The following PDE8B variants were observed in gnomAD, a reference collection of about 807,000 sequenced individuals.
PDE8B encodes the protein phosphodiesterase 8B.
A neutral mutation model predicts 101.3 loss-of-function variants in PDE8B; 26 were observed. The ratio of observed to expected loss-of-function variants is 0.26; its 90% CI spans 0.19 to 0.36. The LOEUF is 0.36. Among genes scored for constraint, PDE8B ranks in the 10% least tolerant of loss-of-function variants. The pLI is 1.00. For synonymous variants in PDE8B, 424 were observed against 429.3 expected (o/e 0.99, Z 0.15); for missense variants, 810 against 1,163.1 (o/e 0.70, Z 4.42).
the PDE8B span, among the ~76,000 whole-genome samples, chr5:77,109,931 T>TTTTTTTTTTTTTTTTTTTG: frequency 3.6e-5 from 3 of 83,846 alleles, no homozygotes; most frequent in African/African-American, 1.5e-4. Context: ...ATTTCAGTTT[T>TTTTTTTTTTTTTTTTTTTG]TTTTTTTTTT....
chr5:77,404,675 A>G lies in PDE8B; in HGVS notation c.1211-45A>G, dbSNP rs371794277. ...ACATGTTTGAATCTCTTCTGTGAAT[A>G]CACGGAAAACTAATCACCTTCCCTT... On this transcript the variant is annotated intron_variant, in intron 11 of 21. Coordinates refer to ENST00000264917, the MANE Select transcript of PDE8B (RefSeq NM_003719.5). 24 of 1,084,506 alleles carry G rather than the reference A, an allele frequency of 2.2e-5. No individual in the cohort carries two copies. In the African/African-American group the frequency reaches 3.2e-4, roughly 15 times the overall value. 67.2% of individuals were successfully genotyped at this position (1,084,506 alleles called of 1,614,324 possible). A position where few individuals can be genotyped will look rare whatever the true frequency, so the allele number is the denominator to read the frequency against.
At chr5:77,289,986 C>A (rs898234431) in intron 1 of PDE8B, among the ~76,000 whole-genome samples, 3 of 152,294 alleles carry the variant, frequency 2.0e-5, no homozygotes, top group Admixed American at 2.0e-4. Context: ...CACTGTGGGG[C>A]TCAGTAAGGA....
intron 10 of PDE8B, among the ~76,000 whole-genome samples, chr5:77,376,472 T>C (rs191344998): frequency 5.3e-5 from 8 of 152,328 alleles, no homozygotes; most frequent in African/African-American, 1.7e-4. Flanking sequence ...AATTTCATTG[T>C]GACAGCACTG....
intron 10 of PDE8B, among the ~76,000 whole-genome samples, chr5:77,385,302 G>A (rs923386332): frequency 6.6e-6 from 1 of 152,112 alleles, no homozygotes; most frequent in African/African-American, 2.4e-5. Flanking sequence ...TTGTATTTCT[G>A]TGGGATCCAT....
Position 77,234,920 on chromosome 5 carries a change from C to T in PDE8B, c.339+23656C>T, listed in dbSNP as rs142741334. Among the ~76,000 whole-genome samples the T allele has an allele frequency of 7.8e-4, 118 of 152,246 alleles. 1 individual carries two copies. In the East Asian group the frequency reaches 0.021, roughly 27 times the overall value. On this transcript the variant is annotated intron_variant, in intron 1 of 21. Coordinates refer to ENST00000264917, the MANE Select transcript of PDE8B (RefSeq NM_003719.5). ...AGTGAGGATTAAATGAGAGCATGCACGCAAAGTGCTCAATGTAATGCCTGA... is the reference window on the plus strand; with the variant it reads ...AGTGAGGATTAAATGAGAGCATGCATGCAAAGTGCTCAATGTAATGCCTGA...
chr5:77,400,287 A>G lies in PDE8B; in HGVS notation c.1207A>G (p.Thr403Ala), dbSNP rs1791984017. The change falls in exon 11 of 22, where the codon ACA becomes GCA. Residue 403 changes from threonine (T) to alanine (A), a missense_variant. Transcript: ENST00000264917. Reference sequence around the variant, plus strand: ...TCGTGATTCAGGAGACAATTCTCAGACAGGTGAGAATACTTCAATTGAACT... The same window carrying G: ...TCGTGATTCAGGAGACAATTCTCAGGCAGGTGAGAATACTTCAATTGAACT... ...IHRDSGDNSQTEPHSFRYKNR... is the reference protein window; with the variant it reads ...IHRDSGDNSQAEPHSFRYKNR... 1 of 1,578,966 alleles carries G rather than the reference A, an allele frequency of 6.3e-7. No individual in the cohort carries two copies. Among genetic ancestry groups the G allele is most frequent in the Non-Finnish European group, 8.7e-7 (1 of 1,147,926 alleles).
intron 1 of PDE8B, among the ~76,000 whole-genome samples, chr5:77,225,087 A>T (rs1752048057): frequency 6.6e-6 from 1 of 152,130 alleles, no homozygotes; most frequent in African/African-American, 2.4e-5. Context: ...TAGATCAATT[A>T]ATTCCTTAGG....
intron 1 of PDE8B, among the ~76,000 whole-genome samples, chr5:77,212,314 C>G (rs1321291860): frequency 6.6e-6 from 1 of 152,136 alleles, no homozygotes; most frequent in Non-Finnish European, 1.5e-5. Flanking sequence ...GATTATTTGT[C>G]AAAGACACAT....
chr5:77,232,712 C>T (rs1268370728), intron 1 of PDE8B, among the ~76,000 whole-genome samples: 1 of 152,186 alleles, frequency 6.6e-6, no homozygotes, highest in Non-Finnish European at 1.5e-5. Flanking sequence ...AGGTCTGTGT[C>T]TCTGGATACC....
intron 1 of PDE8B, among the ~76,000 whole-genome samples, chr5:77,249,651 T>C (rs1053439446): frequency 3.3e-5 from 5 of 152,254 alleles, no homozygotes; most frequent in Admixed American, 3.3e-4. Flanking sequence ...GGATGCAATA[T>C]GCCACATTTG....
the PDE8B span, among the ~76,000 whole-genome samples, chr5:77,177,429 A>AAATAAAAC: frequency 2.1e-5 from 3 of 141,936 alleles, no homozygotes; most frequent in Non-Finnish European, 4.6e-5. Flanking sequence ...AGTAATAACA[A>AAATAAAAC]AATAAAACAA....
Position 77,371,394 on chromosome 5 carries a change from A to T in PDE8B, c.1167+17988A>T, listed in dbSNP as rs560055129. ...CTTTTCTTCATTGGATTGTTTTGAC[A>T]TCTTTGTCAAAAGTCAAATGAGTAT... On this transcript the variant is annotated intron_variant, in intron 10 of 21. Coordinates refer to ENST00000264917, the MANE Select transcript of PDE8B (RefSeq NM_003719.5). 3.9e-5 allele frequency among the ~76,000 whole-genome samples: 6 copies of T among 152,304 alleles called. No homozygotes were observed. In the East Asian group the frequency reaches 1.2e-3, roughly 29 times the overall value.
chr5:77,363,167 G>C (rs1783454706), intron 10 of PDE8B, among the ~76,000 whole-genome samples: 1 of 152,220 alleles, frequency 6.6e-6, no homozygotes, highest in South Asian at 2.1e-4. Flanking sequence ...CCAGGAGGGA[G>C]ATACTAGGCT....
At chr5:77,200,679 T>A in the PDE8B span, among the ~76,000 whole-genome samples, 2 of 152,320 alleles carry the variant, frequency 1.3e-5, no homozygotes, top group Middle Eastern at 6.8e-3. Context: ...AGCATTAACA[T>A]CACCTGGGAA....
At chr5:77,385,790 G>A (rs1478596353) in intron 10 of PDE8B, among the ~76,000 whole-genome samples, 3 of 139,782 alleles carry the variant, frequency 2.1e-5, no homozygotes, top group Non-Finnish European at 4.5e-5. Context: ...TTTTGAGTGA[G>A]TGAGGTTTTT....
chr5:77,247,603 G>A (rs758795154), intron 1 of PDE8B, among the ~76,000 whole-genome samples: 7 of 152,002 alleles, frequency 4.6e-5, no homozygotes, highest in Non-Finnish European at 8.8e-5. Context: ...CTCGGGCTGG[G>A]GCTCTGCACA....
At chr5:77,123,167 G>T in the PDE8B span, among the ~76,000 whole-genome samples, 1 of 152,126 alleles carries the variant, frequency 6.6e-6, no homozygotes, top group Non-Finnish European at 1.5e-5. Context: ...AGGTTGAGGG[G>T]GTGCATCTGG....
At chr5:77,213,941 A>G (rs766106844) in intron 1 of PDE8B, 3 of 152,570 alleles carry the variant, frequency 2.0e-5, no homozygotes, top group Admixed American at 6.5e-5. Flanking sequence ...GGTTATAAGC[A>G]TTAATAATTC....
chr5:77,384,456 A>G (rs1788135836), intron 10 of PDE8B, among the ~76,000 whole-genome samples: 1 of 152,080 alleles, frequency 6.6e-6, no homozygotes, highest in Admixed American at 6.5e-5. Flanking sequence ...CTATTTGAAT[A>G]CCTTTATTTC....
Sources: allele counts gnomAD v4.1 joint callset (sites outside exome capture counted in the v4.1 genomes callset), GRCh38; gene constraint gnomAD v4.1.1; transcripts MANE v1.5; gene names NCBI Gene and HGNC (gene_info 2026-07-23, HGNC 2026-07-21).